The following RECK variants were observed in gnomAD, a reference collection of about 807,000 sequenced individuals.
RECK encodes reversion inducing cysteine rich protein with kazal motifs, also known as reversion-inducing cysteine-rich protein with Kazal motifs.
Under a neutral mutation model 115.1 loss-of-function variants are expected in RECK, and 69 were observed. The ratio of observed to expected loss-of-function variants is 0.60; its 90% confidence interval spans 0.49 to 0.73. The LOEUF (loss-of-function observed/expected upper bound fraction) is 0.73. Ranked by LOEUF, RECK falls within the 30% of genes least tolerant of loss-of-function variation. RECK has a pLI of 0.00. For missense variants in RECK, 1,047 were observed against 1,203.7 expected (o/e 0.87, Z 1.93); for synonymous variants, 414 against 419.7 (o/e 0.99, Z 0.17).
chr9:36,106,287 T>A (rs1020149303), intron 13 of RECK, among the ~76,000 whole-genome samples: 1 of 146,038 alleles, frequency 6.8e-6, no homozygotes, highest in Non-Finnish European at 1.5e-5. Flanking sequence ...CAGGCTAGAG[T>A]GTAATGGCAC....
chr9:36,058,202 A>G (rs1381222596), intron 2 of RECK, among the ~76,000 whole-genome samples: 1 of 152,136 alleles, frequency 6.6e-6, no homozygotes, highest in African/African-American at 2.4e-5. Context: ...ATACATGCAC[A>G]CTATGTTTTT....
In RECK at chr9:36,055,991, TTTC is replaced by T. The variant is rs367668408; in HGVS notation, c.160-2833_160-2831del. ...TCATTATTGTCTTTTTCAATCGATT[TTTC>T]TTTTCTTTCACTCTTCCTTTTGTCT... On this transcript the variant is annotated intron_variant, in intron 2 of 20. Transcript: ENST00000377966. 2.6e-3 allele frequency among the ~76,000 whole-genome samples: 401 copies of T among 152,286 alleles called. 3 individuals are homozygous for T. Among genetic ancestry groups the T allele is most frequent in the African/African-American group, 9.3e-3 (385 of 41,572 alleles).
At position 36,110,813 on chromosome 9, in the gene RECK, TGGA is replaced by T. The variant is rs573040162; in HGVS notation, c.1888+739_1888+741del. 4.4e-3 allele frequency among the ~76,000 whole-genome samples: 661 copies of T among 151,184 alleles called. 8 individuals are homozygous for T. Among genetic ancestry groups the T allele is most frequent in the Non-Finnish European group, 7.2e-3 (486 of 67,838 alleles). ...CATGTGGAGAGGGGTGGGGGCCGGG[TGGA>T]GGAGAAGTGGAGGAGAGGAGAGTAA... is the stretch of plus-strand genomic sequence containing the variant. On this transcript the variant is annotated intron_variant, in intron 15 of 20. Coordinates refer to ENST00000377966, the MANE Select transcript of RECK (RefSeq NM_021111.3).
intron 4 of RECK, among the ~76,000 whole-genome samples, chr9:36,061,143 C>T (rs1821744280): frequency 6.6e-6 from 1 of 151,972 alleles, no homozygotes; most frequent in South Asian, 2.1e-4. Flanking sequence ...TATTCACTCC[C>T]ATCAGAATAA....
intron 13 of RECK, 64 bp downstream of exon 13, chr9:36,105,347 T>G (rs1823758474): frequency 6.5e-7 from 1 of 1,544,228 alleles, no homozygotes; most frequent in South Asian, 1.2e-5. Flanking sequence ...TTATAGGAGC[T>G]ATCTTTCTTT....
chr9:36,105,054 A>C (rs970607900), intron 12 of RECK, 89 bp from the exon 13 acceptor site: 1 of 1,123,832 alleles, frequency 8.9e-7, no homozygotes, highest in Non-Finnish European at 1.3e-6. Flanking sequence ...TGAGCTCTTC[A>C]TTTATTCCAG....
chr9:36,065,695 T>G, intron 6 of RECK, 71 bp downstream of exon 6: 1 of 1,219,072 alleles, frequency 8.2e-7, no homozygotes, highest in Non-Finnish European at 1.1e-6. Flanking sequence ...TTACTTAAAT[T>G]TTTAAAATGA....
Position 36,115,105 on chromosome 9 carries a change from A to G in RECK, c.2061-1880A>G, listed in dbSNP as rs1047933637. ...AGAGGTGGGTGAATCACTTGAGGCC[A>G]GAAGTTCAAGACCAGCCTGGCCAAC... On this transcript the variant is annotated intron_variant, in intron 16 of 20. Transcript: ENST00000377966. Among the ~76,000 whole-genome samples, 14 of 152,116 alleles carry G rather than the reference A, an allele frequency of 9.2e-5. 1 individual carries two copies. The highest frequency in any genetic ancestry group is 1.3e-4 in the Admixed American group (2 of 15,264).
intron 4 of RECK, among the ~76,000 whole-genome samples, chr9:36,061,874 A>G (rs1289661962): frequency 2.0e-5 from 3 of 152,178 alleles, no homozygotes; most frequent in East Asian, 3.8e-4. Flanking sequence ...AGCTTTGTCT[A>G]TCTGTGAACC....
chr9:36,106,154 G>A (rs1386326435), intron 13 of RECK, among the ~76,000 whole-genome samples: 3 of 146,596 alleles, frequency 2.0e-5, no homozygotes, highest in African/African-American at 7.7e-5. Flanking sequence ...AGCTTGCAGT[G>A]AGCCAAGATC....
At position 36,123,953 on chromosome 9, in the gene RECK, A is replaced by G. The variant is rs1824550140; in HGVS notation, c.*908A>G. 3.3e-5 allele frequency: 5 copies of G among 152,806 alleles called. No individual in the cohort carries two copies. In the South Asian group the frequency reaches 1.0e-3, roughly 32 times the overall value. The allele number at this position is 152,806 out of a possible 1,614,324, so 9.5% of individuals were successfully genotyped here. ...TTTATTATGAAGAAGGTGAATAGCC[A>G]TATTTGTAAAATGACAATCATGTGT... is the stretch of plus-strand genomic sequence containing the variant. On this transcript the variant is annotated 3_prime_UTR_variant, in exon 21 of 21. Coordinates refer to ENST00000377966, the MANE Select transcript of RECK (RefSeq NM_021111.3).
chr9:36,097,143 G>A (rs1823379739), intron 10 of RECK, among the ~76,000 whole-genome samples: 1 of 152,046 alleles, frequency 6.6e-6, no homozygotes, highest in African/African-American at 2.4e-5. Flanking sequence ...GGCCAACATG[G>A]TGAAACCCCG....
chr9:36,102,449 G>C (rs1172567380), intron 12 of RECK, among the ~76,000 whole-genome samples: 11 of 152,168 alleles, frequency 7.2e-5, no homozygotes, highest in Admixed American at 6.5e-4. Flanking sequence ...AGTCTGAGGA[G>C]GTACCAACTG....
chr9:36,060,112 C>G lies in RECK; in HGVS notation c.235-7C>G. The G allele has an allele frequency of 6.2e-7, 1 of 1,613,428 alleles. No homozygotes were observed. Among genetic ancestry groups the G allele is most frequent in the Non-Finnish European group, 8.5e-7 (1 of 1,179,566 alleles). ...ACATAAAAGCCTTTTGTTGGGTACA[C>G]TTTTAGGTTGAAATTTGGAATTGTA... On this transcript the variant is annotated splice_region_variant and splice_polypyrimidine_tract_variant and intron_variant, in intron 3 of 20. Transcript: ENST00000377966.
intron 6 of RECK, among the ~76,000 whole-genome samples, chr9:36,074,217 C>T (rs896395972): frequency 1.3e-5 from 2 of 152,164 alleles, no homozygotes; most frequent in Admixed American, 6.5e-5. Flanking sequence ...GCATTTGTCG[C>T]TCTATAGCAT....
chr9:36,036,924 G>GGCGGTAGCGGCGGCA lies in RECK; in HGVS notation c.-70_-56dup. ...GGGGGCGGGGCCTCGCGCGAGCGGC[G>GGCGGTAGCGGCGGCA]GCGGTAGCGGCGGCAGCGGCTGCGG... On this transcript the variant is annotated 5_prime_UTR_variant, in exon 1 of 21. Transcript: ENST00000377966. 1 of 977,970 alleles carries GGCGGTAGCGGCGGCA rather than the reference G, an allele frequency of 1.0e-6. No individual in the cohort carries two copies. Among genetic ancestry groups the GGCGGTAGCGGCGGCA allele is most frequent in the South Asian group, 3.0e-5 (1 of 33,296 alleles). 60.6% of individuals were successfully genotyped at this position (977,970 alleles called of 1,614,324 possible). A position where few individuals can be genotyped will look rare whatever the true frequency, so the allele number is the denominator to read the frequency against.
intron 18 of RECK, among the ~76,000 whole-genome samples, chr9:36,120,029 T>C (rs1824398841): frequency 6.6e-6 from 1 of 151,606 alleles, no homozygotes; most frequent in Non-Finnish European, 1.5e-5. Context: ...GATCAGGAGA[T>C]CGAAACCATC....
intron 20 of RECK, among the ~76,000 whole-genome samples, chr9:36,122,566 A>G (rs1039311525): frequency 2.0e-5 from 3 of 152,128 alleles, no homozygotes; most frequent in African/African-American, 7.2e-5. Context: ...GGCCTCCCAG[A>G]GTGCTAGGAT....
chr9:36,113,442 G>A (rs772484092), intron 16 of RECK, among the ~76,000 whole-genome samples: 3 of 152,278 alleles, frequency 2.0e-5, no homozygotes, highest in South Asian at 2.1e-4. Flanking sequence ...AAGACAGGAC[G>A]CAATGCATAA....
Sources: allele counts gnomAD v4.1 joint callset (sites outside exome capture counted in the v4.1 genomes callset), GRCh38; gene constraint gnomAD v4.1.1; transcripts MANE v1.5; gene names NCBI Gene and HGNC (gene_info 2026-07-23, HGNC 2026-07-21).